Variants in RAD51B observed in about 807,000 individuals in gnomAD.
RAD51B encodes the protein DNA repair protein RAD51 homolog 2.
A neutral mutation model predicts 42.2 loss-of-function variants in RAD51B; 38 were observed. The ratio of observed to expected loss-of-function variants is 0.90; its 90% confidence interval spans 0.70 to 1.18. The LOEUF (loss-of-function observed/expected upper bound fraction) is 1.18. Ranked by LOEUF, RAD51B falls within the 50% of genes most tolerant of loss-of-function variation. The pLI is 0.00. For missense variants in RAD51B, 373 were observed against 400.7 expected, an observed-to-expected ratio of 0.93 and a Z score of 0.59; for synonymous variants, 154 against 145.2, an observed-to-expected ratio of 1.06 and a Z score of -0.43.
chr14:68,671,434 C>A (rs898772095), intron 11 of RAD51B, among the ~76,000 whole-genome samples: 2 of 152,216 alleles, frequency 1.3e-5, no homozygotes, highest in East Asian at 1.9e-4. Flanking sequence ...GCCAGACATA[C>A]AAACCCACCC....
At chr14:67,976,448 A>G (rs1490954285) in intron 7 of RAD51B, among the ~76,000 whole-genome samples, 1 of 150,696 alleles carries the variant, frequency 6.6e-6, no homozygotes, top group Non-Finnish European at 1.5e-5. Context: ...TTGTTTTTTA[A>G]TTTTATTTTA....
chr14:68,032,652 A>G (rs907317117), intron 7 of RAD51B, among the ~76,000 whole-genome samples: 1 of 152,156 alleles, frequency 6.6e-6, no homozygotes, highest in Non-Finnish European at 1.5e-5. Flanking sequence ...ATCATCTCAC[A>G]CAGTATTGTG....
At chr14:68,174,337 C>T (rs111878359) in intron 7 of RAD51B, among the ~76,000 whole-genome samples, 45 of 149,896 alleles carry the variant, frequency 3.0e-4, no homozygotes, top group African/African-American at 1.1e-3. Flanking sequence ...ATGATTGTAT[C>T]ACTGCACTCT....
chr14:67,981,723 T>C (rs1344864712), intron 7 of RAD51B, among the ~76,000 whole-genome samples: 1 of 152,200 alleles, frequency 6.6e-6, no homozygotes, highest in Non-Finnish European at 1.5e-5. Context: ...TGCGTGCTGT[T>C]TGATTTCACT....
At chr14:67,910,695 T>A (rs2043948208) in intron 7 of RAD51B, among the ~76,000 whole-genome samples, 1 of 152,116 alleles carries the variant, frequency 6.6e-6, no homozygotes, top group Non-Finnish European at 1.5e-5. Flanking sequence ...AACCTACATC[T>A]GAAGATAGCC....
intron 7 of RAD51B, among the ~76,000 whole-genome samples, chr14:68,223,790 C>T (rs1482386462): frequency 6.6e-6 from 1 of 152,190 alleles, no homozygotes; most frequent in Non-Finnish European, 1.5e-5. Flanking sequence ...ATTTTCCATT[C>T]TGTCACTAAG....
chr14:67,864,164 C>T (rs2042250528), intron 4 of RAD51B, among the ~76,000 whole-genome samples: 1 of 152,192 alleles, frequency 6.6e-6, no homozygotes, highest in African/African-American at 2.4e-5. Flanking sequence ...CACCTCCCAC[C>T]AGGCCCCCTC....
chr14:67,871,453 C>G (rs1164006275), intron 5 of RAD51B, among the ~76,000 whole-genome samples: 1 of 152,138 alleles, frequency 6.6e-6, no homozygotes, highest in Non-Finnish European at 1.5e-5. Flanking sequence ...CAATAGCTTA[C>G]CAACCAAAAA....
At chr14:68,382,402 G>C (rs192849784) in intron 8 of RAD51B, among the ~76,000 whole-genome samples, 1 of 152,142 alleles carries the variant, frequency 6.6e-6, no homozygotes, top group East Asian at 1.9e-4. Flanking sequence ...TGACATCAGC[G>C]CCATAAGATA....
In RAD51B at chr14:68,402,147, C is replaced by G. The variant is rs60018530; in HGVS notation, c.854-9277C>G. 2.3e-3 allele frequency among the ~76,000 whole-genome samples: 349 copies of G among 152,324 alleles called. 3 individuals carry two copies. The highest frequency in any genetic ancestry group is 0.014 in the Middle Eastern group (4 of 294). On this transcript the variant is annotated intron_variant, in intron 8 of 10. Coordinates refer to ENST00000471583, the MANE Select transcript of RAD51B (RefSeq NM_133510.4). The stretch of plus-strand genomic sequence containing the variant: ...GATAAATGTCTGAGCCTATCCCAGT[C>G]TCTTTTCTTTGACACCTTTGTCCTG...
intron 8 of RAD51B, among the ~76,000 whole-genome samples, chr14:68,330,246 A>C (rs1447828169): frequency 6.6e-6 from 1 of 152,228 alleles, no homozygotes; most frequent in Admixed American, 6.5e-5. Flanking sequence ...ACATCTCTGA[A>C]GAGCGATGAA....
chr14:68,319,241 A>C (rs2082116019), intron 8 of RAD51B, among the ~76,000 whole-genome samples: 1 of 152,214 alleles, frequency 6.6e-6, no homozygotes, highest in African/African-American at 2.4e-5. Context: ...AAATTCCAAG[A>C]TGTCCAGTTA....
chr14:68,543,514 T>C (rs1219465259), intron 10 of RAD51B, among the ~76,000 whole-genome samples: 1 of 152,218 alleles, frequency 6.6e-6, no homozygotes, highest in African/African-American at 2.4e-5. Flanking sequence ...CAAGATTAAA[T>C]GGCTTACTTC....
At chr14:68,576,648 A>G (rs1889975415) in intron 10 of RAD51B, among the ~76,000 whole-genome samples, 1 of 152,224 alleles carries the variant, frequency 6.6e-6, no homozygotes, top group African/African-American at 2.4e-5. Context: ...TAGAGCTTCT[A>G]GGGTATGAGT....
intron 9 of RAD51B, among the ~76,000 whole-genome samples, chr14:68,424,873 C>T (rs2084795446): frequency 6.6e-6 from 1 of 152,142 alleles, no homozygotes; most frequent in African/African-American, 2.4e-5. Context: ...CTCCTGAGCT[C>T]AAGCAATTCT....
intron 10 of RAD51B, among the ~76,000 whole-genome samples, chr14:68,577,234 G>T (rs1352170426): frequency 6.6e-6 from 1 of 152,178 alleles, no homozygotes; most frequent in Non-Finnish European, 1.5e-5. Flanking sequence ...AGAGTTGGGA[G>T]GCAATACTAG....
intron 7 of RAD51B, among the ~76,000 whole-genome samples, chr14:68,081,280 T>C (rs544637248): frequency 6.6e-6 from 1 of 152,204 alleles, no homozygotes; most frequent in South Asian, 2.1e-4. Flanking sequence ...TGTTTTTTGT[T>C]TTTCTGTCTG....
chr14:68,093,498 A>G (rs1196383342), intron 7 of RAD51B, among the ~76,000 whole-genome samples: 3 of 152,126 alleles, frequency 2.0e-5, no homozygotes, highest in East Asian at 3.8e-4. Context: ...AGAGGTGTTT[A>G]TAGTATTCTC....
intron 8 of RAD51B, among the ~76,000 whole-genome samples, chr14:68,298,358 C>T (rs2139681183): frequency 6.6e-6 from 1 of 152,266 alleles, no homozygotes; most frequent in Middle Eastern, 3.4e-3. Flanking sequence ...TAAAGTCAAC[C>T]ACCAGGAAGT....
Sources: gnomAD v4.1 joint callset for allele counts (sites outside exome capture counted in the v4.1 genomes callset) on GRCh38, gnomAD v4.1.1 for gene constraint, MANE v1.5 for transcripts, NCBI Gene and HGNC (gene_info 2026-07-23, HGNC 2026-07-21) for gene names.